DLEC1: variants seen among roughly 807,000 people sequenced by gnomAD.
DLEC1 encodes the protein DLEC1 cilia and flagella associated protein.
In DLEC1, 146 loss-of-function variants were observed where a neutral mutation model predicts 198.1. The ratio of observed to expected loss-of-function variants is 0.74; its 90% CI spans 0.64 to 0.85. DLEC1 has a LOEUF of 0.85. Among genes scored for constraint, DLEC1 ranks in the 40% least tolerant of loss-of-function variants. DLEC1 has a pLI of 0.00. For synonymous variants in DLEC1, 897 were observed against 866.8 expected (o/e 1.03, Z -0.61); for missense variants, 2,233 against 2,220.0 (o/e 1.01, Z -0.12).
In DLEC1 at chr3:38,112,096, A is replaced by AG; in HGVS notation, c.3515-112dup. ...GAGGAGGGCACATGTAGCCTGACCA[A>AG]GGAGAGGCTGGAGGGTGGCTTATCG... On this transcript the variant is annotated intron_variant, in intron 24 of 36. Coordinates refer to ENST00000308059, the MANE Select transcript of DLEC1 (RefSeq NM_007335.4). This position sits in a 1 kb window ranked among gnomAD's most constrained non-coding sequence, Gnocchi z 4.8. 6.6e-7 allele frequency: 1 copy of AG among 1,509,734 alleles called. No individual in the cohort carries two copies. The highest frequency in any genetic ancestry group is 9.1e-7 in the Non-Finnish European group (1 of 1,103,740). The allele number at this position is 1,509,734 out of a possible 1,614,324, so 93.5% of individuals were successfully genotyped here.
chr3:38,109,248 G>C (rs755964641), intron 21 of DLEC1, among the ~76,000 whole-genome samples, 184 bp from the exon 22 acceptor site: 1 of 152,228 alleles, frequency 6.6e-6, no homozygotes, highest in Non-Finnish European at 1.5e-5. Flanking sequence ...CATAAGGCCT[G>C]AGGAAAGGGC....
intron 18 of DLEC1, 30 bp downstream of exon 18, chr3:38,097,932 G>A (rs1699117436): frequency 5.6e-6 from 9 of 1,613,652 alleles, no homozygotes; most frequent in Non-Finnish European, 7.6e-6. Flanking sequence ...TTCCTCTGGT[G>A]CCCCCACAAT....
At chr3:38,061,133 G>A (rs1326970445) in intron 3 of DLEC1, among the ~76,000 whole-genome samples, 2 of 152,118 alleles carry the variant, frequency 1.3e-5, no homozygotes, top group South Asian at 2.1e-4. Context: ...AGCAATGAAT[G>A]TTCTCATTTA....
Position 38,115,021 on chromosome 3 carries a change from G to A in DLEC1, c.3824G>A (p.Arg1275Gln), listed in dbSNP as rs200604389. 2.2e-5 allele frequency: 35 copies of A among 1,613,976 alleles called. No homozygotes were observed. The East Asian group carries it at 3.6e-4, about 16-fold the overall frequency. Residue 1275 changes from arginine to glutamine, a missense_variant, in exon 27 of 37, where the codon CGA (arginine) becomes CAA (glutamine). Coordinates refer to ENST00000308059, the MANE Select transcript of DLEC1 (RefSeq NM_007335.4). ...TQVSGGDTVT[R>Q]TLRLNNSSPC... ...GTCTCCGGAGGAGACACAGTTACCCGAACCCTTCGCCTGAATAACTCCAGC... is the reference window on the plus strand; with the variant it reads ...GTCTCCGGAGGAGACACAGTTACCCAAACCCTTCGCCTGAATAACTCCAGC...
At chr3:38,107,812 C>T in intron 20 of DLEC1, 75 bp downstream of exon 20, 6 of 1,508,468 alleles carry the variant, frequency 4.0e-6, no homozygotes, top group Non-Finnish European at 5.4e-6. Context: ...GGGGCATTGT[C>T]CCCCAAATAT....
intron 19 of DLEC1, among the ~76,000 whole-genome samples, chr3:38,101,404 A>AAT (rs780838878): frequency 2.3e-4 from 35 of 151,646 alleles, no homozygotes; most frequent in East Asian, 1.2e-3. Flanking sequence ...GCAGTGAATG[A>AAT]ATATATATAT....
chr3:38,073,553 G>A (rs1234646860), intron 6 of DLEC1, among the ~76,000 whole-genome samples: 1 of 152,144 alleles, frequency 6.6e-6, no homozygotes, highest in African/African-American at 2.4e-5. Context: ...AGGAGGCTTT[G>A]GGTTGGGGAG....
intron 23 of DLEC1, 34 bp downstream of exon 23, chr3:38,110,315 T>A: frequency 6.2e-7 from 1 of 1,611,604 alleles, no homozygotes; most frequent in East Asian, 2.2e-5. Flanking sequence ...CCAGGGCAGA[T>A]GAAGCTGGAT....
intron 15 of DLEC1, 135 bp from the exon 16 acceptor site, chr3:38,097,047 C>T (rs533662100): frequency 1.2e-5 from 11 of 922,594 alleles, no homozygotes; most frequent in Non-Finnish European, 1.8e-5. Flanking sequence ...AGGCCCATGG[C>T]TTTGGGTGGC....
In DLEC1 at chr3:38,108,529, T is replaced by A. The variant is rs1397869811; in HGVS notation, c.3129+14T>A. 1.2e-6 allele frequency: 2 copies of A among 1,609,296 alleles called. No homozygotes were observed. Among genetic ancestry groups the A allele is most frequent in the Non-Finnish European group, 1.7e-6 (2 of 1,176,370 alleles). On this transcript the variant is annotated intron_variant, in intron 21 of 36. Transcript: ENST00000308059. ...GCTCATACCCAGGTGAGTAAGGCAATGTAGGGCCTGAGTGACCGGGAAGGC... is the reference window on the plus strand; with the variant it reads ...GCTCATACCCAGGTGAGTAAGGCAAAGTAGGGCCTGAGTGACCGGGAAGGC...
intron 14 of DLEC1, 55 bp from the exon 15 acceptor site, chr3:38,096,514 C>G: frequency 6.4e-7 from 1 of 1,572,436 alleles, no homozygotes; most frequent in Non-Finnish European, 8.6e-7. Context: ...CAGGGACACT[C>G]TAGGATGTGC....
chr3:38,043,659 G>A (rs1341256676), intron 1 of DLEC1, among the ~76,000 whole-genome samples: 1 of 152,136 alleles, frequency 6.6e-6, no homozygotes, highest in Non-Finnish European at 1.5e-5. Context: ...AACCATATCT[G>A]ATTCATTTCC....
chr3:38,068,393 G>A (rs904807860), intron 6 of DLEC1, among the ~76,000 whole-genome samples: 3 of 152,008 alleles, frequency 2.0e-5, no homozygotes, highest in African/African-American at 4.8e-5. Flanking sequence ...ACCACACCTG[G>A]CTAATTTTTG....
chr3:38,097,851 C>A lies in DLEC1; in HGVS notation c.2673C>A (p.Ala891=). The A allele has an allele frequency of 1.2e-6, 2 of 1,614,244 alleles. No individual in the cohort carries two copies. The highest frequency in any genetic ancestry group is 2.7e-5 in the African/African-American group (2 of 75,064). ...TCCGGAACGTCAGCCAGCTCCCAGC[C>A]ACATGGCGCATGAAGGAGAGCCCAG... ...IQIRNVSQLP[A]TWRMKESPVS... The change falls in exon 18 of 37, where the codon GCC becomes GCA. Residue 891 remains alanine (A), a synonymous_variant. Transcript: ENST00000308059.
At chr3:38,074,652 C>T (rs926256908) in intron 6 of DLEC1, among the ~76,000 whole-genome samples, 3 of 152,212 alleles carry the variant, frequency 2.0e-5, no homozygotes, top group African/African-American at 7.2e-5. Context: ...TCTTGGGGAA[C>T]TGCTCTAATG....
chr3:38,076,430 G>A (rs1268618160), intron 6 of DLEC1, among the ~76,000 whole-genome samples: 3 of 152,144 alleles, frequency 2.0e-5, no homozygotes, highest in African/African-American at 7.2e-5. Flanking sequence ...TATAAGATTT[G>A]GGTGGGTAAA....
Position 38,079,973 on chromosome 3 carries a change from GTAATAAAATGTA to G in DLEC1, c.1174-4182_1174-4171del, listed in dbSNP as rs546383295. ...GTATTTAATGTCAGGAGCGGATTGG[GTAATAAAATGTA>G]TATTGAGAATAAGATAGCCCTTTGA... On this transcript the variant is annotated intron_variant, in intron 6 of 36. Transcript: ENST00000308059. Among the ~76,000 whole-genome samples the G allele has an allele frequency of 9.3e-3, 1,424 of 152,302 alleles. 21 individuals carry two copies. The highest frequency in any genetic ancestry group is 0.013 in the Non-Finnish European group (895 of 68,020).
chr3:38,116,036 C>G (rs1700139301), intron 27 of DLEC1, among the ~76,000 whole-genome samples: 1 of 152,012 alleles, frequency 6.6e-6, no homozygotes, highest in African/African-American at 2.4e-5. Context: ...CATGGCGGCC[C>G]CCAAAGACTA....
intron 26 of DLEC1, 118 bp downstream of exon 26, chr3:38,114,578 C>G (rs1050479339): frequency 9.8e-6 from 10 of 1,020,914 alleles, no homozygotes; most frequent in Admixed American, 4.0e-5. Context: ...CCATTGGTGC[C>G]ACCTACAAGA....
Sources: gnomAD v4.1 joint callset for allele counts (sites outside exome capture counted in the v4.1 genomes callset) on GRCh38, gnomAD v4.1.1 for gene constraint, Gnocchi (gnomAD v3.1) non-coding constraint, MANE v1.5 for transcripts, NCBI Gene and HGNC (gene_info 2026-07-23, HGNC 2026-07-21) for gene names.